The following MTTP variants were observed in gnomAD, a reference collection of about 807,000 sequenced individuals.
The protein encoded by MTTP is microsomal triglyceride transfer protein large subunit.
A neutral mutation model predicts 90.6 loss-of-function variants in MTTP; 49 were observed. The ratio of observed to expected loss-of-function variants is 0.54; its 90% CI spans 0.43 to 0.69. MTTP has a LOEUF of 0.69. MTTP is among the 30% of genes least tolerant of loss of function. The pLI, the probability that MTTP is intolerant of heterozygous loss-of-function variation, is 0.00. For synonymous variants in MTTP, 347 were observed against 384.2 expected (o/e 0.90, Z 1.13); for missense variants, 945 against 1,067.5 (o/e 0.89, Z 1.60).
Position 99,606,748 on chromosome 4 carries a change from G to T in MTTP, c.1345G>T (p.Ala449Ser). 6.2e-7 allele frequency: 1 copy of T among 1,613,006 alleles called. No homozygotes were observed. The highest frequency in any genetic ancestry group is 1.1e-5 in the South Asian group (1 of 91,026). The change falls in exon 11 of 18, where the codon GCA becomes TCA. Residue 449 changes from alanine (A) to serine (S), a missense_variant and splice_region_variant. Ala to Ser is a moderately conservative substitution (Grantham distance 99). Coordinates refer to ENST00000265517, the MANE Select transcript of MTTP (RefSeq NM_001386140.1). ...ATATCTAAGGTATATGATTTTTCAG[G>T]CAGTAGTGGAAGCTAAGAAGTTAAT... is the stretch of plus-strand genomic sequence containing the variant. ...LCQNEGCKLKAVVEAKKLILG... is the reference protein window; with the variant it reads ...LCQNEGCKLKSVVEAKKLILG...
intron 1 of MTTP, among the ~76,000 whole-genome samples, chr4:99,576,703 A>AG (rs1724972587): frequency 1.3e-5 from 2 of 151,124 alleles, no homozygotes; most frequent in Non-Finnish European, 3.0e-5. Flanking sequence ...TCAAAAAAAA[A>AG]AAAAAAAAAA....
chr4:99,598,693 C>T (rs376313520), intron 8 of MTTP, among the ~76,000 whole-genome samples: 40 of 89,934 alleles, frequency 4.4e-4, no homozygotes, highest in African/African-American at 1.6e-3. Flanking sequence ...GACAGTGTTT[C>T]GCTCTTGTTG....
chr4:99,607,364 A>G (rs1725842450), intron 11 of MTTP, among the ~76,000 whole-genome samples: 1 of 152,234 alleles, frequency 6.6e-6, no homozygotes, highest in Non-Finnish European at 1.5e-5. Flanking sequence ...ATGTCTATAA[A>G]TCTCAAGATA....
At position 99,621,235 on chromosome 4, in the gene MTTP, A is replaced by T. The variant is rs561739673; in HGVS notation, c.2513+4A>T. On this transcript the variant is annotated splice_donor_region_variant and intron_variant, in intron 17 of 17. Transcript: ENST00000265517. ...ACAAGGATGAAGCTCCATTCAGGTA[A>T]GATGCAGCGTTCAGGTCATGTTCCA... 1 of 1,613,960 alleles carries T rather than the reference A, an allele frequency of 6.2e-7. No individual in the cohort carries two copies. The highest frequency in any genetic ancestry group is 1.1e-5 in the South Asian group (1 of 91,078).
upstream of MTTP, among the ~76,000 whole-genome samples, chr4:99,573,677 C>T (rs1724888926): frequency 6.6e-6 from 1 of 152,018 alleles, no homozygotes; most frequent in Non-Finnish European, 1.5e-5. Context: ...CTATCTTTTA[C>T]CTAGATTGTC....
At chr4:99,582,227 T>C in intron 2 of MTTP, 135 bp downstream of exon 2, 2 of 893,794 alleles carry the variant, frequency 2.2e-6, no homozygotes, top group Non-Finnish European at 3.4e-6. Context: ...AAACAAGCAG[T>C]TCTATGTATT....
At chr4:99,612,834 C>T in intron 14 of MTTP, 79 bp from the exon 15 acceptor site, 1 of 1,362,018 alleles carries the variant, frequency 7.3e-7, no homozygotes. Flanking sequence ...GAAGTTCTAG[C>T]TGCAGCTCAG....
chr4:99,601,777 C>T, intron 10 of MTTP, 63 bp downstream of exon 10: 1 of 1,243,812 alleles, frequency 8.0e-7, no homozygotes, highest in Non-Finnish European at 1.2e-6. Flanking sequence ...TGATACTCAC[C>T]ATGCTGCCTA....
chr4:99,603,949 G>A (rs924065029), intron 10 of MTTP, among the ~76,000 whole-genome samples: 1 of 152,128 alleles, frequency 6.6e-6, no homozygotes, highest in Non-Finnish European at 1.5e-5. Context: ...TACCTTGAAG[G>A]TAGCTGCAAA....
At chr4:99,573,217 A>G (rs916322303), upstream of MTTP, among the ~76,000 whole-genome samples, 8 of 152,118 alleles carry the variant, frequency 5.3e-5, no homozygotes, top group African/African-American at 1.9e-4. Flanking sequence ...AATACAATAC[A>G]AACTAGCTTT....
In MTTP at chr4:99,606,864, A is replaced by C; in HGVS notation, c.1461A>C (p.Pro487=). 1.2e-6 allele frequency: 2 copies of C among 1,614,096 alleles called. No homozygotes were observed. The highest frequency in any genetic ancestry group is 3.3e-5 in the Admixed American group (2 of 60,020). Residue 487 remains proline, a synonymous_variant, in exon 11 of 18, where the codon CCA becomes CCC. Coordinates refer to ENST00000265517, the MANE Select transcript of MTTP (RefSeq NM_001386140.1). ...LKNALLPEGI[P]SLLKYAEAGE... ...ATGCCCTGCTTCCAGAAGGCATCCCAAGTCTTCTGAAGTATGCAGAAGCAG... is the reference window on the plus strand; with the variant it reads ...ATGCCCTGCTTCCAGAAGGCATCCCCAGTCTTCTGAAGTATGCAGAAGCAG...
At chr4:99,582,909 C>A (rs1289850506) in intron 2 of MTTP, among the ~76,000 whole-genome samples, 1 of 152,144 alleles carries the variant, frequency 6.6e-6, no homozygotes, top group African/African-American at 2.4e-5. Flanking sequence ...TCTCTCTGAG[C>A]CATTTCTCAA....
At chr4:99,607,687 T>C (rs763754321) in intron 11 of MTTP, among the ~76,000 whole-genome samples, 2 of 152,236 alleles carry the variant, frequency 1.3e-5, no homozygotes, top group Non-Finnish European at 2.9e-5. Context: ...GCAGTTCTAA[T>C]AATCAATGAA....
chr4:99,580,574 C>CA (rs563138284), intron 1 of MTTP, among the ~76,000 whole-genome samples: 11,141 of 39,846 alleles, frequency 0.28, 2,795 homozygotes, highest in South Asian at 0.37. Flanking sequence ...GACTCTGTCT[C>CA]AAAAAAAAAA....
At chr4:99,567,740 G>A (rs923741719) in intron 1 of MTTP, among the ~76,000 whole-genome samples, 3 of 152,156 alleles carry the variant, frequency 2.0e-5, no homozygotes, top group Admixed American at 2.0e-4. Context: ...AAAAGCAGAT[G>A]CAGATAAAAG....
intron 3 of MTTP, among the ~76,000 whole-genome samples, chr4:99,586,394 C>A (rs1725260131): frequency 6.6e-6 from 1 of 152,012 alleles, no homozygotes; most frequent in African/African-American, 2.4e-5. Context: ...GGATAATTAC[C>A]AGATTTCCAT....
intron 15 of MTTP, 47 bp from the exon 16 acceptor site, chr4:99,618,927 A>G: frequency 1.3e-6 from 2 of 1,599,488 alleles, no homozygotes; most frequent in South Asian, 1.1e-5. Flanking sequence ...GGTTAACTAA[A>G]TTGTACTTAT....
At chr4:99,594,984 G>A in intron 7 of MTTP, 101 bp downstream of exon 7, 2 of 1,398,350 alleles carry the variant, frequency 1.4e-6, no homozygotes, top group South Asian at 1.2e-5. Context: ...AGTTTCTAAA[G>A]AACTACCAGC....
At chr4:99,572,341 G>A (rs991501594), upstream of MTTP, among the ~76,000 whole-genome samples, 1 of 151,924 alleles carries the variant, frequency 6.6e-6, no homozygotes, top group Non-Finnish European at 1.5e-5. Context: ...CAAGGGCTCT[G>A]TTAGTTTTCA....
Sources: allele counts gnomAD v4.1 joint callset (sites outside exome capture counted in the v4.1 genomes callset), GRCh38; gene constraint gnomAD v4.1.1; transcripts MANE v1.5; gene names NCBI Gene and HGNC (gene_info 2026-07-23, HGNC 2026-07-21).